LRRC7: variants seen among roughly 807,000 people sequenced by gnomAD.
The protein encoded by LRRC7 is leucine-rich repeat-containing protein 7.
LRRC7 carries 23 observed loss-of-function variants against 175.7 expected under a neutral mutation model. The observed-to-expected ratio is 0.13, with a 90% CI of 0.09 to 0.19. LRRC7 has a LOEUF of 0.19. Ranked by LOEUF, LRRC7 falls within the 10% of genes least tolerant of loss-of-function variation. The pLI is 1.00. For synonymous variants in LRRC7, 685 were observed against 680.9 expected (o/e 1.01, Z -0.09); for missense variants, 1,354 against 1,904.7 (o/e 0.71, Z 5.38).
At chr1:70,090,134 T>C (rs1438461512) in intron 25 of LRRC7, among the ~76,000 whole-genome samples, 1 of 152,162 alleles carries the variant, frequency 6.6e-6, no homozygotes, top group Admixed American at 6.6e-5. Flanking sequence ...GAAAGGTATA[T>C]AGACAATTTC....
At chr1:69,757,424 C>T (rs1394110367) in intron 2 of LRRC7, among the ~76,000 whole-genome samples, 2 of 151,822 alleles carry the variant, frequency 1.3e-5, no homozygotes, top group African/African-American at 2.4e-5. Flanking sequence ...AGAGACTGAG[C>T]CTCAATAAAG....
At chr1:69,933,408 T>G (rs543870433) in intron 8 of LRRC7, among the ~76,000 whole-genome samples, 2 of 152,318 alleles carry the variant, frequency 1.3e-5, no homozygotes, top group African/African-American at 2.4e-5. Flanking sequence ...AAATAACAGA[T>G]AGTGGCAAAA....
chr1:69,834,557 T>C (rs1434210314), intron 5 of LRRC7, among the ~76,000 whole-genome samples: 1 of 152,132 alleles, frequency 6.6e-6, no homozygotes, highest in Non-Finnish European at 1.5e-5. Flanking sequence ...AATCTTAGTA[T>C]AGGAGAGTAG....
chr1:70,023,896 C>T (rs573681161), intron 17 of LRRC7, among the ~76,000 whole-genome samples: 2 of 151,912 alleles, frequency 1.3e-5, no homozygotes, highest in South Asian at 4.2e-4. Context: ...AGACACAAAT[C>T]GTATGAATTC....
intron 1 of LRRC7, among the ~76,000 whole-genome samples, chr1:69,612,346 T>G (rs949105780): frequency 6.6e-6 from 1 of 152,078 alleles, no homozygotes; most frequent in South Asian, 2.1e-4. Flanking sequence ...TATAACTTTC[T>G]ATTTCATTTC....
intron 1 of LRRC7, among the ~76,000 whole-genome samples, chr1:69,602,594 C>T (rs1485307701): frequency 1.3e-5 from 2 of 152,040 alleles, no homozygotes; most frequent in Non-Finnish European, 2.9e-5. Context: ...AGCAAGTTGT[C>T]ACAAACTGGG....
At chr1:69,734,924 C>G (rs1367414432) in intron 2 of LRRC7, among the ~76,000 whole-genome samples, 1 of 151,290 alleles carries the variant, frequency 6.6e-6, no homozygotes, top group African/African-American at 2.4e-5. Flanking sequence ...AACATGAGAA[C>G]AATAAAATGT....
intron 2 of LRRC7, among the ~76,000 whole-genome samples, chr1:69,740,750 G>A (rs777019193): frequency 4.6e-5 from 7 of 151,950 alleles, no homozygotes; most frequent in South Asian, 2.1e-4. Flanking sequence ...TACAGTTCAC[G>A]GTGTACAGAA....
chr1:69,568,546 C>T lies in LRRC7; in HGVS notation c.-94C>T, dbSNP rs1166374719. 27 of 1,244,736 alleles carry T rather than the reference C, an allele frequency of 2.2e-5. 1 individual carries two copies. In the South Asian group the frequency reaches 2.7e-4, roughly 12 times the overall value. The allele number at this position is 1,244,736 out of a possible 1,614,324, so 77.1% of individuals were successfully genotyped here. A position where few individuals can be genotyped will look rare whatever the true frequency, so the allele number is the denominator to read the frequency against. ...TCTCCTCCGAAGACCCTGGCGCCCA[C>T]TCCACTGCGGACCCCTGAACACTTA... On this transcript the variant is annotated 5_prime_UTR_variant, in exon 1 of 27. Coordinates refer to ENST00000651989, the MANE Select transcript of LRRC7 (RefSeq NM_001370785.2).
At chr1:69,739,791 T>G (rs17325754) in intron 2 of LRRC7, among the ~76,000 whole-genome samples, 4,606 of 152,152 alleles carry the variant, frequency 0.03, 99 homozygotes, top group Non-Finnish European at 0.046. Context: ...GTTTAATTTG[T>G]GTACAATGGT....
chr1:70,049,745 A>G (rs1408055073), intron 22 of LRRC7, among the ~76,000 whole-genome samples: 10 of 152,218 alleles, frequency 6.6e-5, no homozygotes, highest in African/African-American at 2.4e-4. Context: ...CAGGCTTGGC[A>G]TATTTTTACC....
intron 11 of LRRC7, among the ~76,000 whole-genome samples, chr1:69,999,520 G>A (rs1343266513): frequency 1.3e-5 from 2 of 152,188 alleles, no homozygotes; most frequent in Non-Finnish European, 1.5e-5. Context: ...GATTCTTAGG[G>A]AAGTAGGGAG....
intron 10 of LRRC7, among the ~76,000 whole-genome samples, chr1:69,986,868 A>G (rs1249750037): frequency 1.3e-5 from 2 of 152,202 alleles, no homozygotes; most frequent in Non-Finnish European, 2.9e-5. Flanking sequence ...AAAAAGTCAC[A>G]TGTCCTTAAC....
chr1:69,910,187 G>T (rs993891519), intron 7 of LRRC7, among the ~76,000 whole-genome samples: 1 of 152,068 alleles, frequency 6.6e-6, no homozygotes, highest in East Asian at 1.9e-4. Context: ...CTCTCAGCTC[G>T]TCAAAGTCAT....
At chr1:69,937,351 T>G (rs1648148259) in intron 8 of LRRC7, among the ~76,000 whole-genome samples, 1 of 152,094 alleles carries the variant, frequency 6.6e-6, no homozygotes, top group Non-Finnish European at 1.5e-5. Context: ...TGCTTCTAGA[T>G]TACTAAGAAA....
intron 2 of LRRC7, among the ~76,000 whole-genome samples, chr1:69,697,871 A>C (rs56703600): frequency 6.6e-6 from 1 of 152,162 alleles, no homozygotes; most frequent in Non-Finnish European, 1.5e-5. Context: ...GACTTAGTGC[A>C]TCTAGCCTCA....
chr1:69,876,100 CAG>C (rs1296539527), intron 7 of LRRC7, among the ~76,000 whole-genome samples: 1 of 152,070 alleles, frequency 6.6e-6, no homozygotes, highest in Non-Finnish European at 1.5e-5. Context: ...AGGAGTGCCT[CAG>C]AGAATAGAAT....
chr1:70,025,456 T>C (rs958361219), intron 17 of LRRC7, among the ~76,000 whole-genome samples: 1 of 151,954 alleles, frequency 6.6e-6, no homozygotes, highest in African/African-American at 2.4e-5. Flanking sequence ...TTTAGACATA[T>C]ACAGAGTAGA....
rs1169575127 is a variant in LRRC7 at position 70,133,251 on chromosome 1, C to T, written c.*11364C>T. ...TTGTTTGTTTGTATTGAGACAGTGTCGCTCTGTCGCCCAGGCTGGAGTGCA... is the reference window on the plus strand; with the variant it reads ...TTGTTTGTTTGTATTGAGACAGTGTTGCTCTGTCGCCCAGGCTGGAGTGCA... On this transcript the variant is annotated 3_prime_UTR_variant, in exon 27 of 27. Coordinates refer to ENST00000651989, the MANE Select transcript of LRRC7 (RefSeq NM_001370785.2). 6.6e-6 allele frequency among the ~76,000 whole-genome samples: 1 copy of T among 152,026 alleles called. No individual in the cohort carries two copies. The highest frequency in any genetic ancestry group is 1.5e-5 in the Non-Finnish European group (1 of 68,010).
Sources: gnomAD v4.1 joint callset for allele counts (sites outside exome capture counted in the v4.1 genomes callset) on GRCh38, gnomAD v4.1.1 for gene constraint, MANE v1.5 for transcripts, NCBI Gene and HGNC (gene_info 2026-07-23, HGNC 2026-07-21) for gene names.